Variants in SLC17A8 observed in about 807,000 individuals in gnomAD.
SLC17A8 encodes the protein solute carrier family 17 member 8.
A neutral mutation model predicts 58.0 loss-of-function variants in SLC17A8; 31 were observed. That is an observed-to-expected ratio of 0.53 (90% CI 0.40 to 0.72). SLC17A8 has a LOEUF of 0.72. Among genes scored for constraint, SLC17A8 ranks in the 30% least tolerant of loss-of-function variants. The pLI, the probability that SLC17A8 is intolerant of heterozygous loss-of-function variation, is 0.00. For synonymous variants in SLC17A8, 228 were observed against 249.0 expected (o/e 0.92, Z 0.79); for missense variants, 655 against 727.8 (o/e 0.90, Z 1.15).
At position 100,418,179 on chromosome 12, in the gene SLC17A8, T is replaced by C. The variant is rs139883070; in HGVS notation, c.1425+23T>C. 5.9e-3 allele frequency: 9,439 copies of C among 1,613,282 alleles called. 44 individuals carry two copies. The highest frequency in any genetic ancestry group is 7.4e-3 in the Non-Finnish European group (8,676 of 1,179,678). Reference sequence around the variant, plus strand: ...AAGGTAAAGGTCTCCTTTGTGGCTATGGGTTACAATATCAGAGGACTGGAG... The same window carrying C: ...AAGGTAAAGGTCTCCTTTGTGGCTACGGGTTACAATATCAGAGGACTGGAG... On this transcript the variant is annotated intron_variant, in intron 11 of 11. Coordinates refer to ENST00000323346, the MANE Select transcript of SLC17A8 (RefSeq NM_139319.3).
intron 1 of SLC17A8, among the ~76,000 whole-genome samples, chr12:100,373,380 A>AG (rs11393690): frequency 0.63 from 95,948 of 151,818 alleles, 32,275 homozygotes; most frequent in East Asian, 0.99. Context: ...TTTTCTGGGC[A>AG]GGATGAATAG....
At chr12:100,403,624 A>G (rs2136006843) in intron 8 of SLC17A8, among the ~76,000 whole-genome samples, 1 of 152,308 alleles carries the variant, frequency 6.6e-6, no homozygotes, top group South Asian at 2.1e-4. Flanking sequence ...CTTTCCTACA[A>G]GGGAAAGAAC....
At chr12:100,388,764 C>T (rs1952693621) in intron 2 of SLC17A8, among the ~76,000 whole-genome samples, 1 of 152,166 alleles carries the variant, frequency 6.6e-6, no homozygotes, top group Non-Finnish European at 1.5e-5. Flanking sequence ...TAATTAGGAA[C>T]CCTCTTACTC....
At chr12:100,389,327 T>C (rs1259687930) in intron 2 of SLC17A8, among the ~76,000 whole-genome samples, 1 of 152,152 alleles carries the variant, frequency 6.6e-6, no homozygotes, top group East Asian at 1.9e-4. Flanking sequence ...GATAACCTAC[T>C]AGAAATATTC....
rs60708055 is a variant in SLC17A8, at chr12:100,383,045, G to A, written c.354+2092G>A. On this transcript the variant is annotated intron_variant, in intron 2 of 11. Transcript: ENST00000323346. ...ATAGAGGTAGAAGGGCATATCATGC[G>A]TTTTTAAAATAAAGAATGATGTATA... 4.9e-3 allele frequency among the ~76,000 whole-genome samples: 740 copies of A among 152,236 alleles called. 3 individuals carry two copies. Among genetic ancestry groups the A allele is most frequent in the African/African-American group, 0.012 (518 of 41,542 alleles).
At chr12:100,361,831 T>A (rs1952486832) in intron 1 of SLC17A8, among the ~76,000 whole-genome samples, 1 of 152,022 alleles carries the variant, frequency 6.6e-6, no homozygotes, top group Admixed American at 6.6e-5. Flanking sequence ...CATAGAGGCA[T>A]GTGCCTATAG....
rs1203225174 is a variant in SLC17A8, at chr12:100,377,568, GAT to G, written c.102-3116_102-3115del. ...AGTGAGGCATCCAAGATGGCTTCAAGATATATATATATATATATTTTTTTTTT... is the reference window on the plus strand; with the variant it reads ...AGTGAGGCATCCAAGATGGCTTCAAGATATATATATATATATTTTTTTTTT... On this transcript the variant is annotated intron_variant, in intron 1 of 11. Transcript: ENST00000323346. Among the ~76,000 whole-genome samples the G allele has an allele frequency of 1.1e-3, 135 of 121,290 alleles. 1 individual carries two copies. The highest frequency in any genetic ancestry group is 7.1e-3 in the South Asian group (29 of 4,074). The allele number at this position is 121,290 out of a possible 152,430, so 79.6% of individuals were successfully genotyped here.
intron 4 of SLC17A8, among the ~76,000 whole-genome samples, chr12:100,394,201 T>C (rs1404453763): frequency 6.6e-6 from 1 of 152,142 alleles, no homozygotes; most frequent in African/African-American, 2.4e-5. Flanking sequence ...ACCCTCGATA[T>C]ACAGCAATGT....
rs1566402970 is a variant in SLC17A8 at position 100,409,143 on chromosome 12, CGTT to C, written c.1187-3626_1187-3624del. 1.8e-4 allele frequency among the ~76,000 whole-genome samples: 25 copies of C among 140,782 alleles called. No homozygotes were observed. In the East Asian group the frequency reaches 2.7e-3, roughly 15 times the overall value. The allele number at this position is 140,782 out of a possible 152,430, so 92.4% of individuals were successfully genotyped here. On this transcript the variant is annotated intron_variant, in intron 9 of 11. Transcript: ENST00000323346. ...CTTTCCTTTGCATTAATTCATTAAA[CGTT>C]ATGTATGTATGTATGTATGTATGTA...
intron 1 of SLC17A8, among the ~76,000 whole-genome samples, chr12:100,361,016 T>C (rs759970857): frequency 6.6e-6 from 1 of 152,210 alleles, no homozygotes; most frequent in Non-Finnish European, 1.5e-5. Context: ...GTGCCAGATA[T>C]GCACTTCCTG....
intron 1 of SLC17A8, among the ~76,000 whole-genome samples, chr12:100,365,514 TG>T (rs202005632): frequency 0.012 from 1,834 of 152,342 alleles, 37 homozygotes; most frequent in African/African-American, 0.042. Flanking sequence ...CAGCCTTTTA[TG>T]TCATGGAATA....
At chr12:100,384,504 G>A (rs555194251) in intron 2 of SLC17A8, among the ~76,000 whole-genome samples, 7 of 152,232 alleles carry the variant, frequency 4.6e-5, no homozygotes, top group Non-Finnish European at 1.0e-4. Flanking sequence ...TTGGGAAGCT[G>A]AGGCAAGAGA....
chr12:100,377,843 C>T (rs1952606066), intron 1 of SLC17A8, among the ~76,000 whole-genome samples: 1 of 152,048 alleles, frequency 6.6e-6, no homozygotes, highest in African/African-American at 2.4e-5. Context: ...CTGCCTTGGC[C>T]TCCCAAAGTG....
At chr12:100,399,663 G>C (rs7958867) in intron 5 of SLC17A8, among the ~76,000 whole-genome samples, 1 of 151,960 alleles carries the variant, frequency 6.6e-6, no homozygotes, top group Non-Finnish European at 1.5e-5. Context: ...ACTCACTATC[G>C]TAAGAACAGC....
rs143106438 is a variant in SLC17A8, at chr12:100,407,588, T to A, written c.1186+3418T>A. ...TTTTCATGTTCATATATATATATAT[T>A]TTTTTTGTTTGTTTGTTTTGTTTTG... On this transcript the variant is annotated intron_variant, in intron 9 of 11. Transcript: ENST00000323346. 9.9e-3 allele frequency among the ~76,000 whole-genome samples: 1,405 copies of A among 142,448 alleles called. 11 individuals are homozygous for A. Among genetic ancestry groups the A allele is most frequent in the Middle Eastern group, 0.028 (8 of 286 alleles). 93.5% of individuals were successfully genotyped at this position (142,448 alleles called of 152,430 possible).
intron 1 of SLC17A8, among the ~76,000 whole-genome samples, chr12:100,363,035 T>C (rs922333009): frequency 1.4e-4 from 21 of 152,316 alleles, no homozygotes; most frequent in African/African-American, 4.8e-4. Context: ...GAAGCGACAG[T>C]TCTGATTCCT....
At chr12:100,391,666 T>C (rs540494057) in intron 3 of SLC17A8, among the ~76,000 whole-genome samples, 20 of 152,252 alleles carry the variant, frequency 1.3e-4, no homozygotes, top group Admixed American at 1.3e-3. Context: ...ACTCTTCAAG[T>C]GATTATGTGG....
At chr12:100,415,010 T>C (rs539943217) in intron 10 of SLC17A8, among the ~76,000 whole-genome samples, 11 of 152,208 alleles carry the variant, frequency 7.2e-5, no homozygotes, top group Non-Finnish European at 1.5e-4. Context: ...CCTTGATAAC[T>C]TTGTGATGCA....
intron 4 of SLC17A8, among the ~76,000 whole-genome samples, chr12:100,395,329 T>C (rs1448890326): frequency 6.7e-6 from 1 of 148,682 alleles, no homozygotes; most frequent in African/African-American, 2.4e-5. Flanking sequence ...CAAAAGAATT[T>C]TTTTTTTTTT....
Sources: gnomAD v4.1 joint callset for allele counts (sites outside exome capture counted in the v4.1 genomes callset) on GRCh38, gnomAD v4.1.1 for gene constraint, MANE v1.5 for transcripts, NCBI Gene and HGNC (gene_info 2026-07-23, HGNC 2026-07-21) for gene names.